The following SEC22A variants were observed in gnomAD, a reference collection of about 807,000 sequenced individuals.
SEC22A encodes SEC22 homolog A, vesicle trafficking protein, also known as vesicle-trafficking protein SEC22a.
A neutral mutation model predicts 35.3 loss-of-function variants in SEC22A; 22 were observed. The observed-to-expected ratio is 0.62, with a 90% CI of 0.45 to 0.89. The LOEUF (loss-of-function observed/expected upper bound fraction) is 0.89. Among genes scored for constraint, SEC22A ranks in the 40% least tolerant of loss-of-function variants. The probability of loss-of-function intolerance (pLI) is 0.00; values close to 1 mark genes in which losing one functional copy is unlikely to be tolerated. For synonymous variants in SEC22A, 119 were observed against 129.5 expected (o/e 0.92, Z 0.55); for missense variants, 354 against 362.5 (o/e 0.98, Z 0.19).
Position 123,223,553 on chromosome 3 carries a change from CTG to C in SEC22A, c.183-4_183-3del. 6.2e-7 allele frequency: 1 copy of C among 1,609,720 alleles called. No individual in the cohort carries two copies. Among genetic ancestry groups the C allele is most frequent in the Non-Finnish European group, 8.5e-7 (1 of 1,177,512 alleles). On this transcript the variant is annotated splice_region_variant and splice_polypyrimidine_tract_variant and intron_variant, in intron 2 of 6. Transcript: ENST00000492595. ...AATTTTAAAACCAATGTTTTTTACA[CTG>C]TAGTTTTATTAGCTCTCTGGGAGTG...
chr3:123,238,378 A>T (rs1417318946), intron 4 of SEC22A, among the ~76,000 whole-genome samples: 2 of 151,900 alleles, frequency 1.3e-5, no homozygotes, highest in Non-Finnish European at 2.9e-5. Context: ...TTGTATTTTT[A>T]GTAGAGACAG....
At chr3:123,207,662 G>T (rs1936873497) in intron 1 of SEC22A, among the ~76,000 whole-genome samples, 1 of 152,156 alleles carries the variant, frequency 6.6e-6, no homozygotes, top group East Asian at 1.9e-4. Flanking sequence ...GAATTTTGAG[G>T]GCAGAGCTCA....
intron 4 of SEC22A, among the ~76,000 whole-genome samples, chr3:123,229,837 G>A (rs1186796917): frequency 1.3e-5 from 2 of 151,380 alleles, no homozygotes; most frequent in African/African-American, 4.9e-5. Context: ...GCTCCAGCCT[G>A]GGCAACAGAG....
At chr3:123,207,337 A>G (rs893077805) in intron 1 of SEC22A, among the ~76,000 whole-genome samples, 1 of 152,074 alleles carries the variant, frequency 6.6e-6, no homozygotes, top group Non-Finnish European at 1.5e-5. Context: ...TTTTTTATAT[A>G]TATTACTCAT....
In SEC22A at chr3:123,272,322, A is replaced by G. The variant is rs944221745; in HGVS notation, c.*600A>G. The G allele has an allele frequency of 6.6e-6, 1 of 152,304 alleles. No individual in the cohort carries two copies. Among genetic ancestry groups the G allele is most frequent in the African/African-American group, 2.4e-5 (1 of 41,446 alleles). 9.4% of individuals were successfully genotyped at this position (152,304 alleles called of 1,614,324 possible). On this transcript the variant is annotated 3_prime_UTR_variant, in exon 7 of 7. Coordinates refer to ENST00000492595, the MANE Select transcript of SEC22A (RefSeq NM_012430.5). Reference sequence around the variant, plus strand: ...AAGACTGTGATGAGCTCGTCTGTGGAACATCACAAGTATCGAAAATACAGT... The same window carrying G: ...AAGACTGTGATGAGCTCGTCTGTGGGACATCACAAGTATCGAAAATACAGT...
At chr3:123,234,628 TAACAACAA>T (rs1289737715) in intron 4 of SEC22A, among the ~76,000 whole-genome samples, 1 of 151,834 alleles carries the variant, frequency 6.6e-6, no homozygotes, top group Non-Finnish European at 1.5e-5. Flanking sequence ...ATCAAAAACT[TAACAACAA>T]AACTATAAAA....
At chr3:123,228,506 C>G (rs9819417) in intron 4 of SEC22A, among the ~76,000 whole-genome samples, 7 of 145,666 alleles carry the variant, frequency 4.8e-5, no homozygotes, top group Admixed American at 1.4e-4. Context: ...ACCCAGGAGG[C>G]GGAGGTGGCA....
intron 4 of SEC22A, among the ~76,000 whole-genome samples, chr3:123,231,118 A>G (rs1937318096): frequency 6.6e-6 from 1 of 152,254 alleles, no homozygotes; most frequent in African/African-American, 2.4e-5. Flanking sequence ...AGATAGAGCT[A>G]TAAACATACA....
chr3:123,250,193 C>T (rs1425138424), intron 5 of SEC22A, among the ~76,000 whole-genome samples: 3 of 152,048 alleles, frequency 2.0e-5, no homozygotes, highest in Admixed American at 6.6e-5. Flanking sequence ...AGATGGATCA[C>T]GAGGTCAAGA....
chr3:123,231,323 C>CCAGT (rs1187900130), intron 4 of SEC22A, among the ~76,000 whole-genome samples: 3 of 152,188 alleles, frequency 2.0e-5, no homozygotes, highest in African/African-American at 7.2e-5. Flanking sequence ...ACATAACAGA[C>CCAGT]ATCTATTAGG....
chr3:123,257,059 G>C (rs1033134995), intron 5 of SEC22A, among the ~76,000 whole-genome samples: 2 of 151,908 alleles, frequency 1.3e-5, no homozygotes, highest in African/African-American at 4.8e-5. Context: ...GCCCTGGCTG[G>C]ACTTAACTCT....
At chr3:123,208,911 C>T (rs965076405) in intron 1 of SEC22A, 5 of 286,012 alleles carry the variant, frequency 1.7e-5, no homozygotes, top group African/African-American at 8.9e-5. Flanking sequence ...TCTCCTGCCT[C>T]GGCCTCCTGA....
At chr3:123,229,726 G>A (rs946346281) in intron 4 of SEC22A, among the ~76,000 whole-genome samples, 1 of 152,030 alleles carries the variant, frequency 6.6e-6, no homozygotes, top group African/African-American at 2.4e-5. Context: ...GCTGAGCATG[G>A]TGCCACACGC....
chr3:123,230,699 C>CAAAAAAAAAAAAA (rs376679473), intron 4 of SEC22A, among the ~76,000 whole-genome samples: 1 of 47,426 alleles, frequency 2.1e-5, no homozygotes, highest in African/African-American at 8.1e-5. Flanking sequence ...TCACTTCATG[C>CAAAAAAAAAAAAA]AAAAAAAAAA....
chr3:123,265,464 T>C (rs1221881881), intron 6 of SEC22A, among the ~76,000 whole-genome samples: 1 of 151,782 alleles, frequency 6.6e-6, no homozygotes, highest in Non-Finnish European at 1.5e-5. Context: ...TTTTTCCCAG[T>C]CAGTTTTTTT....
At chr3:123,220,890 A>ATG (rs1559753287) in intron 2 of SEC22A, among the ~76,000 whole-genome samples, 1 of 144,454 alleles carries the variant, frequency 6.9e-6, no homozygotes, top group African/African-American at 2.5e-5. Context: ...ACATATATAT[A>ATG]TATATATGTC....
At chr3:123,259,458 G>T in intron 5 of SEC22A, 66 bp from the exon 6 acceptor site, 1 of 1,108,058 alleles carries the variant, frequency 9.0e-7, no homozygotes, top group Non-Finnish European at 1.4e-6. Context: ...ATCCTATCTT[G>T]ATGGATTGTT....
chr3:123,222,270 C>T (rs1296562831), intron 2 of SEC22A, among the ~76,000 whole-genome samples: 1 of 152,062 alleles, frequency 6.6e-6, no homozygotes, highest in Non-Finnish European at 1.5e-5. Flanking sequence ...GCAATCTCGG[C>T]TCTTTGCAAC....
At chr3:123,239,049 A>G (rs1487540471) in intron 4 of SEC22A, among the ~76,000 whole-genome samples, 1 of 151,946 alleles carries the variant, frequency 6.6e-6, no homozygotes, top group African/African-American at 2.4e-5. Flanking sequence ...TTATTTCTAT[A>G]TTTTTTTCTT....
Sources: allele counts gnomAD v4.1 joint callset (sites outside exome capture counted in the v4.1 genomes callset), GRCh38; gene constraint gnomAD v4.1.1; transcripts MANE v1.5; gene names NCBI Gene and HGNC (gene_info 2026-07-23, HGNC 2026-07-21).